TANC2: variants seen among roughly 807,000 people sequenced by gnomAD.
The protein encoded by TANC2 is tetratricopeptide repeat, ankyrin repeat and coiled-coil containing 2.
In TANC2, 26 loss-of-function variants were observed where a neutral mutation model predicts 210.5. The ratio of observed to expected loss-of-function variants is 0.12; its 90% CI spans 0.09 to 0.17. TANC2 has a LOEUF of 0.17. Ranked by LOEUF, TANC2 falls within the 10% of genes least tolerant of loss-of-function variation. The pLI is 1.00. For synonymous variants in TANC2, 931 were observed against 967.1 expected (o/e 0.96, Z 0.69); for missense variants, 2,129 against 2,608.9 (o/e 0.82, Z 4.01).
chr17:62,980,122 C>G (rs984580456), intron 1 of TANC2, among the ~76,000 whole-genome samples: 1 of 152,084 alleles, frequency 6.6e-6, no homozygotes, highest in Non-Finnish European at 1.5e-5. Context: ...TCTTTTTAAC[C>G]TCTTCTCTAA....
Position 62,997,334 on chromosome 17 carries a change from G to A in TANC2, c.-23-12203G>A, listed in dbSNP as rs138946119. Among the ~76,000 whole-genome samples, 616 of 152,114 alleles carry A rather than the reference G, an allele frequency of 4.0e-3. 4 individuals carry two copies. The highest frequency in any genetic ancestry group is 0.014 in the African/African-American group (596 of 41,460). On this transcript the variant is annotated intron_variant, in intron 1 of 27. Transcript: ENST00000689528. ...GCATTATTAACCCTGCATCTTATCTGTAATGTTTAAAAAGTTATTGGAAGT... is the reference window on the plus strand; with the variant it reads ...GCATTATTAACCCTGCATCTTATCTATAATGTTTAAAAAGTTATTGGAAGT...
intron 5 of TANC2, among the ~76,000 whole-genome samples, chr17:63,177,808 C>T (rs1220486386): frequency 3.3e-5 from 5 of 152,294 alleles, no homozygotes; most frequent in South Asian, 4.1e-4. Context: ...ACTGTACAGG[C>T]ACATTTCAAG....
chr17:63,118,772 A>G (rs1034833429), intron 4 of TANC2, among the ~76,000 whole-genome samples: 12 of 144,170 alleles, frequency 8.3e-5, no homozygotes, highest in Non-Finnish European at 1.7e-4. Flanking sequence ...ACCATATCCA[A>G]CTAATTTTTT....
intron 4 of TANC2, among the ~76,000 whole-genome samples, chr17:63,101,464 A>G (rs926833441): frequency 1.5e-4 from 23 of 152,218 alleles, no homozygotes; most frequent in Admixed American, 1.4e-3. Context: ...ATCATATTCT[A>G]TTTTCTTTGT....
chr17:63,139,111 T>C (rs996630327), intron 4 of TANC2, among the ~76,000 whole-genome samples: 8 of 152,246 alleles, frequency 5.3e-5, no homozygotes, highest in Non-Finnish European at 8.8e-5. Context: ...CAAATAATTA[T>C]GTCTGTTCAT....
intron 14 of TANC2, among the ~76,000 whole-genome samples, chr17:63,372,275 G>C (rs1050331895): frequency 3.3e-5 from 5 of 152,160 alleles, no homozygotes; most frequent in Non-Finnish European, 7.3e-5. Context: ...ACAATTCCAA[G>C]TTGCATTTGC....
At chr17:63,426,936 G>A (rs1022623521) in exon 28 of TANC2, 2 of 152,216 alleles carry the variant, frequency 1.3e-5, no homozygotes, top group Non-Finnish European at 2.9e-5. Flanking sequence ...GGAAAATTCA[G>A]TACTTGAATG....
Position 63,421,821 on chromosome 17 carries a change from G to T in TANC2, c.6091G>T (p.Val2031Leu). 1 of 1,614,024 alleles carries T rather than the reference G, an allele frequency of 6.2e-7. No individual in the cohort carries two copies. The highest frequency in any genetic ancestry group is 8.5e-7 in the Non-Finnish European group (1 of 1,179,904). The stretch of plus-strand genomic sequence containing the variant: ...CAGCCAGGCCTCCTCCTATCCCGAC[G>T]TGAAGGTAGCTCGGACTCTACCTGT... The change falls in exon 28 of 28, where the codon GTG becomes TTG. Residue 2031 changes from valine to leucine, a missense_variant. Around this residue, in one of 5 missense-constraint regions of TANC2, gnomAD observed 161 missense variants for 178.6 expected, o/e 0.90. Transcript: ENST00000689528. This position sits in a 1 kb window ranked among gnomAD's most constrained non-coding sequence, Gnocchi z 6.9.
At position 63,278,159 on chromosome 17, in the gene TANC2, G is replaced by A. The variant is rs565802702; in HGVS notation, c.1159+10286G>A. On this transcript the variant is annotated intron_variant, in intron 9 of 27. Transcript: ENST00000689528. ...TGACAGAATGAGGACCTGTCTTAAG[G>A]AGAAGGATAAGGAGAAGCAACAGAG... 3.3e-5 allele frequency among the ~76,000 whole-genome samples: 5 copies of A among 152,232 alleles called. No individual in the cohort carries two copies. The South Asian group carries it at 1.0e-3, about 32-fold the overall frequency.
chr17:63,037,631 T>C (rs2035024979), intron 2 of TANC2, among the ~76,000 whole-genome samples: 1 of 151,986 alleles, frequency 6.6e-6, no homozygotes, highest in South Asian at 2.1e-4. Context: ...CTGGCCAACA[T>C]GGTAAAACCC....
chr17:63,056,824 T>G (rs2035823980), intron 2 of TANC2, among the ~76,000 whole-genome samples: 1 of 152,250 alleles, frequency 6.6e-6, no homozygotes, highest in Non-Finnish European at 1.5e-5. Flanking sequence ...ATTGTTTTGT[T>G]GAAACTCTGG....
chr17:63,326,746 C>CAA (rs796894169), intron 11 of TANC2, among the ~76,000 whole-genome samples: 4 of 145,006 alleles, frequency 2.8e-5, no homozygotes, highest in African/African-American at 7.6e-5. Context: ...ACAACAACAA[C>CAA]AAAAAAAAAA....
chr17:62,967,835 A>T (rs1381701939), intron 1 of TANC2, among the ~76,000 whole-genome samples: 2 of 151,928 alleles, frequency 1.3e-5, no homozygotes, highest in Middle Eastern at 3.4e-3. Flanking sequence ...GGTGAAATAA[A>T]AAAAAAAAAG....
Position 63,067,790 on chromosome 17 carries a change from C to T in TANC2, c.68-6153C>T, listed in dbSNP as rs538686063. Among the ~76,000 whole-genome samples, 48 of 151,948 alleles carry T rather than the reference C, an allele frequency of 3.2e-4. No homozygotes were observed. The South Asian group carries it at 8.1e-3, about 26-fold the overall frequency. ...CAATAGAGAGAAAAGCAGGGGATGG[C>T]GGGGAAGAGAACCACAGGGATCTGT... On this transcript the variant is annotated intron_variant, in intron 2 of 27. Coordinates refer to ENST00000689528, the Ensembl canonical transcript of TANC2.
chr17:62,977,999 C>T (rs1598176858), intron 1 of TANC2, among the ~76,000 whole-genome samples: 1 of 152,130 alleles, frequency 6.6e-6, no homozygotes, highest in African/African-American at 2.4e-5. Flanking sequence ...TATATCATGG[C>T]TATCACTTCA....
chr17:63,225,739 C>T (rs2042310554), intron 7 of TANC2, among the ~76,000 whole-genome samples: 1 of 152,146 alleles, frequency 6.6e-6, no homozygotes, highest in Non-Finnish European at 1.5e-5. Context: ...TCTCCTTTGT[C>T]ATTTCTTAAT....
chr17:63,143,422 C>CATAAT (rs1442468322), intron 4 of TANC2, among the ~76,000 whole-genome samples: 1 of 152,088 alleles, frequency 6.6e-6, no homozygotes, highest in East Asian at 1.9e-4. Context: ...ATAGGAATGT[C>CATAAT]ATAATTATTC....
intron 2 of TANC2, among the ~76,000 whole-genome samples, chr17:63,052,614 G>A (rs1446323584): frequency 6.6e-6 from 1 of 152,138 alleles, no homozygotes; most frequent in Non-Finnish European, 1.5e-5. Flanking sequence ...AAAGTACCAG[G>A]TAGTAAGTGT....
chr17:63,331,337 T>G (rs2045834603), intron 11 of TANC2, among the ~76,000 whole-genome samples: 1 of 152,256 alleles, frequency 6.6e-6, no homozygotes, highest in Admixed American at 6.5e-5. Flanking sequence ...AAGAAGTGGC[T>G]TACTAGTATA....
Sources: gnomAD v4.1 joint callset for allele counts (sites outside exome capture counted in the v4.1 genomes callset) on GRCh38, gnomAD v4.1.1 for gene constraint, gnomAD v4.1.1 regional missense constraint, Gnocchi (gnomAD v3.1) non-coding constraint, MANE v1.5 for transcripts, NCBI Gene and HGNC (gene_info 2026-07-23, HGNC 2026-07-21) for gene names.